The following DNAAF5 variants were observed in gnomAD, a reference collection of about 807,000 sequenced individuals.
DNAAF5 encodes dynein axonemal assembly factor 5.
A neutral mutation model predicts 75.8 loss-of-function variants in DNAAF5; 64 were observed. That is an observed-to-expected ratio of 0.84 (90% confidence interval 0.69 to 1.04). DNAAF5 has a LOEUF of 1.04. DNAAF5 is among the 50% of genes least tolerant of loss of function. DNAAF5 has a pLI of 0.00. For synonymous variants in DNAAF5, 657 were observed against 557.2 expected (o/e 1.18, Z -2.52); for missense variants, 1,269 against 1,178.5 (o/e 1.08, Z -1.12).
At chr7:773,388 CAT>C (rs1562398448) in intron 9 of DNAAF5, among the ~76,000 whole-genome samples, 1 of 152,180 alleles carries the variant, frequency 6.6e-6, no homozygotes, top group Non-Finnish European at 1.5e-5. Flanking sequence ...ACCTTTGAAA[CAT>C]ACCGTGGTGT....
At chr7:749,863 T>A (rs1193667466) in intron 4 of DNAAF5, among the ~76,000 whole-genome samples, 1 of 152,062 alleles carries the variant, frequency 6.6e-6, no homozygotes, top group African/African-American at 2.4e-5. Context: ...CGCACCTGGA[T>A]AATTTTTGTG....
At position 754,002 on chromosome 7, in the gene DNAAF5, CTG is replaced by C. The variant is rs1360676845; in HGVS notation, c.1025-586_1025-585del. On this transcript the variant is annotated intron_variant, in intron 4 of 12. Transcript: ENST00000297440. This position sits in a 1 kb window ranked among gnomAD's most constrained non-coding sequence, Gnocchi z 4.8. Reference sequence around the variant, plus strand: ...GATGGCTTCGCAGGCGTGTGTCTCTCTGATCATAGGGGGACGGCTTCGCAGGC... The same window carrying C: ...GATGGCTTCGCAGGCGTGTGTCTCTCATCATAGGGGGACGGCTTCGCAGGC... 7.1e-6 allele frequency among the ~76,000 whole-genome samples: 1 copy of C among 141,308 alleles called. No individual in the cohort carries two copies. Among genetic ancestry groups the C allele is most frequent in the Non-Finnish European group, 1.5e-5 (1 of 66,412 alleles). The allele number at this position is 141,308 out of a possible 152,430, so 92.7% of individuals were successfully genotyped here. A position where few individuals can be genotyped will look rare whatever the true frequency, so the allele number is the denominator to read the frequency against.
At chr7:734,898 G>A (rs1411489536) in intron 2 of DNAAF5, among the ~76,000 whole-genome samples, 14 of 152,112 alleles carry the variant, frequency 9.2e-5, no homozygotes, top group African/African-American at 1.9e-4. Context: ...AGCTGCTCAC[G>A]GTGTTGCTCA....
chr7:745,554 C>T (rs1268952217), intron 4 of DNAAF5, among the ~76,000 whole-genome samples: 1 of 152,186 alleles, frequency 6.6e-6, no homozygotes, highest in Admixed American at 6.5e-5. Flanking sequence ...CACGCGTACA[C>T]ACATCCTCGC....
intron 11 of DNAAF5, among the ~76,000 whole-genome samples, chr7:779,634 C>G (rs1583523931): frequency 1.3e-5 from 2 of 152,178 alleles, no homozygotes; most frequent in South Asian, 2.1e-4. Flanking sequence ...CAGGTGAGCA[C>G]ACAGCTGCGA....
At chr7:771,545 CATCTCTGCTCTCGG>C (rs1434917535) in intron 9 of DNAAF5, 1 of 152,300 alleles carries the variant, frequency 6.6e-6, no homozygotes, top group Non-Finnish European at 1.5e-5. Flanking sequence ...TCATGACCCT[CATCTCTGCTCTCGG>C]GCCTCAGCCC....
intron 4 of DNAAF5, among the ~76,000 whole-genome samples, chr7:745,218 C>T (rs1005659898): frequency 2.0e-5 from 3 of 152,310 alleles, no homozygotes; most frequent in African/African-American, 4.8e-5. Context: ...CATGGCAAAT[C>T]GTTCTCCACG....
At chr7:752,093 C>A (rs555186897) in intron 4 of DNAAF5, among the ~76,000 whole-genome samples, 2 of 152,300 alleles carry the variant, frequency 1.3e-5, no homozygotes, top group South Asian at 2.1e-4. Flanking sequence ...ATGAGCAGAA[C>A]GAGAGCGTCC....
At chr7:783,260 G>T (rs1779035482) in intron 12 of DNAAF5, among the ~76,000 whole-genome samples, 1 of 152,262 alleles carries the variant, frequency 6.6e-6, no homozygotes, top group South Asian at 2.1e-4. Context: ...TCCTCCGTGT[G>T]AAGCGGTGCA....
chr7:740,880 CCTT>C lies in DNAAF5; in HGVS notation c.847_849del (p.Phe283del), dbSNP rs771262547. ...CTGCTGTGTCTGCGTGACCGTTACT[CCTT>C]CTTCCACAAGCTCATCCCTCTGCTG... On this transcript the variant is annotated inframe_deletion, in exon 3 of 13. Transcript: ENST00000297440. 6.8e-6 allele frequency: 11 copies of C among 1,613,982 alleles called. No homozygotes were observed. In the South Asian group the frequency reaches 1.1e-4, roughly 16 times the overall value.
At position 779,858 on chromosome 7, in the gene DNAAF5, T is replaced by C. The variant is rs1002477648; in HGVS notation, c.2240-95T>C. ...GGGTTTCTTAGGACCCCAGGGCAGG[T>C]GTCCCATGGGAGTATGAACTAAATG... On this transcript the variant is annotated intron_variant, in intron 11 of 12. Transcript: ENST00000297440. 5 of 1,010,774 alleles carry C rather than the reference T, an allele frequency of 4.9e-6. No individual in the cohort carries two copies. In the Admixed American group the frequency reaches 1.2e-4, roughly 24 times the overall value. The allele number at this position is 1,010,774 out of a possible 1,614,324, so 62.6% of individuals were successfully genotyped here.
chr7:777,308 C>T (rs776016816), intron 11 of DNAAF5, among the ~76,000 whole-genome samples: 4 of 152,112 alleles, frequency 2.6e-5, no homozygotes, highest in African/African-American at 4.8e-5. Flanking sequence ...GAAGACCCGG[C>T]GCTAAGGGCA....
chr7:774,999 A>G lies in DNAAF5; in HGVS notation c.2083-7A>G. The G allele has an allele frequency of 6.2e-7, 1 of 1,613,764 alleles. No individual in the cohort carries two copies. Among genetic ancestry groups the G allele is most frequent in the Non-Finnish European group, 8.5e-7 (1 of 1,179,930 alleles). On this transcript the variant is annotated splice_polypyrimidine_tract_variant and splice_region_variant and intron_variant, in intron 10 of 12. Coordinates refer to ENST00000297440, the MANE Select transcript of DNAAF5 (RefSeq NM_017802.4). ...TGAGTCACGTCGTATGTGTTTGCTG[A>G]TTGCAGATACGGGACGTGCAGGAAA... is the stretch of plus-strand genomic sequence containing the variant.
At chr7:742,461 A>C (rs1349732026) in intron 4 of DNAAF5, among the ~76,000 whole-genome samples, 2 of 67,202 alleles carry the variant, frequency 3.0e-5, no homozygotes, top group African/African-American at 1.1e-4. Flanking sequence ...GCCCAGCTCA[A>C]ATCACATGCC....
chr7:745,647 A>G lies in DNAAF5; in HGVS notation c.1024+4182A>G, dbSNP rs1000474638. The stretch of plus-strand genomic sequence containing the variant: ...CACGTGTACATGTATATCCTCACAC[A>G]CGTACACACTTATCCTCACACACGT... On this transcript the variant is annotated intron_variant, in intron 4 of 12. Transcript: ENST00000297440. Among the ~76,000 whole-genome samples, 11 of 152,030 alleles carry G rather than the reference A, an allele frequency of 7.2e-5. No individual in the cohort carries two copies. The South Asian group carries it at 2.1e-3, about 29-fold the overall frequency.
rs4566936 is a variant in DNAAF5 at position 785,362 on chromosome 7, G to A, written c.2432-155G>A. On this transcript the variant is annotated intron_variant, in intron 12 of 12. Transcript: ENST00000297440. The stretch of plus-strand genomic sequence containing the variant: ...ATTGTGAGTCGGATCACTCGTATCC[G>A]CATTGTGACTACTGTATGTCCACCC... Among the ~76,000 whole-genome samples the A allele has an allele frequency of 0.041, 6,211 of 150,902 alleles. 437 individuals carry two copies. Among genetic ancestry groups the A allele is most frequent in the African/African-American group, 0.15 (5,890 of 40,572 alleles).
intron 8 of DNAAF5, among the ~76,000 whole-genome samples, chr7:770,095 G>A (rs182586519): frequency 4.0e-5 from 6 of 151,598 alleles, no homozygotes; most frequent in African/African-American, 1.5e-4. Flanking sequence ...GGGACTACAG[G>A]TATATGCCAC....
chr7:774,230 C>A (rs6973746), intron 10 of DNAAF5, 32 bp downstream of exon 10: 5 of 1,575,602 alleles, frequency 3.2e-6, no homozygotes, highest in Non-Finnish European at 4.3e-6. Context: ...CGGTGGACAC[C>A]GGCCGGGGAC....
chr7:777,183 C>T (rs1455854357), intron 11 of DNAAF5, among the ~76,000 whole-genome samples: 2 of 152,100 alleles, frequency 1.3e-5, no homozygotes, highest in South Asian at 2.1e-4. Context: ...GTACAATAAA[C>T]GTAACGCACG....
Sources: gnomAD v4.1 joint callset for allele counts (sites outside exome capture counted in the v4.1 genomes callset) on GRCh38, gnomAD v4.1.1 for gene constraint, Gnocchi (gnomAD v3.1) non-coding constraint, MANE v1.5 for transcripts, NCBI Gene and HGNC (gene_info 2026-07-23, HGNC 2026-07-21) for gene names.